KSR2: variants seen among roughly 807,000 people sequenced by gnomAD.
The protein encoded by KSR2 is kinase suppressor of ras 2.
KSR2 carries 25 observed loss-of-function variants against 107.8 expected under a neutral mutation model. The ratio of observed to expected loss-of-function variants is 0.23; its 90% CI spans 0.17 to 0.32. The LOEUF is 0.32. Among genes scored for constraint, KSR2 ranks in the 10% least tolerant of loss-of-function variants. The pLI is 1.00. For synonymous variants in KSR2, 480 were observed against 507.0 expected (o/e 0.95, Z 0.71); for missense variants, 887 against 1,268.9 (o/e 0.70, Z 4.57).
intron 10 of KSR2, among the ~76,000 whole-genome samples, chr12:117,538,142 TG>T (rs1169707551): frequency 6.6e-6 from 1 of 151,134 alleles, no homozygotes; most frequent in Non-Finnish European, 1.5e-5. Flanking sequence ...GAAGTAAAAA[TG>T]AACAACCCTG....
intron 9 of KSR2, among the ~76,000 whole-genome samples, chr12:117,544,135 A>T (rs916402529): frequency 6.6e-6 from 1 of 152,210 alleles, no homozygotes; most frequent in African/African-American, 2.4e-5. Flanking sequence ...ATACAGGCTG[A>T]ACCACAGTGG....
At chr12:117,476,641 T>G in intron 16 of KSR2, 46 bp from the exon 17 acceptor site, 1 of 1,571,056 alleles carries the variant, frequency 6.4e-7, no homozygotes, top group Non-Finnish European at 8.7e-7. Flanking sequence ...TAGCCCAGGG[T>G]GGACCAGTCC....
At chr12:117,623,792 G>A (rs1005641854) in intron 5 of KSR2, among the ~76,000 whole-genome samples, 12 of 152,170 alleles carry the variant, frequency 7.9e-5, no homozygotes, top group Non-Finnish European at 1.3e-4. Flanking sequence ...CTAGATCCTT[G>A]AGGAATCGCC....
intron 5 of KSR2, among the ~76,000 whole-genome samples, chr12:117,602,071 G>A (rs73211928): frequency 0.021 from 3,234 of 152,216 alleles, 56 homozygotes; most frequent in Non-Finnish European, 0.034. Context: ...CTGCATTTAC[G>A]GCCACTAAAA....
intron 13 of KSR2, 22 bp downstream of exon 13, chr12:117,527,049 T>G (rs1223059893): frequency 1.2e-6 from 2 of 1,611,538 alleles, no homozygotes; most frequent in African/African-American, 2.7e-5. Flanking sequence ...AAAATGTCGC[T>G]TCACTGCTCT....
intron 4 of KSR2, among the ~76,000 whole-genome samples, chr12:117,731,539 C>G (rs143618277): frequency 0.088 from 13,350 of 152,272 alleles, 704 homozygotes; most frequent in Middle Eastern, 0.14. Context: ...GGAGGGGTAC[C>G]CAACAGCTCA....
chr12:117,832,308 A>G (rs1255510668), intron 3 of KSR2, among the ~76,000 whole-genome samples: 1 of 151,910 alleles, frequency 6.6e-6, no homozygotes, highest in African/African-American at 2.4e-5. Flanking sequence ...AACAAAACAA[A>G]TCTTGTACCG....
chr12:117,857,150 C>T (rs912394894), intron 2 of KSR2, among the ~76,000 whole-genome samples: 18 of 152,284 alleles, frequency 1.2e-4, no homozygotes, highest in African/African-American at 4.3e-4. Flanking sequence ...CCTCAAACTC[C>T]TGGGTTCAAG....
At chr12:117,467,917 G>GTTT in intron 19 of KSR2, 44 of 199,266 alleles carry the variant, frequency 2.2e-4, no homozygotes, top group Admixed American at 5.6e-4. Context: ...CCACAGTCCT[G>GTTT]TGTTTTTTTT....
rs537510504 is a variant in KSR2, at chr12:117,667,591, G to T, written c.1054C>A (p.Pro352Thr). 6.8e-6 allele frequency: 11 copies of T among 1,613,278 alleles called. No individual in the cohort carries two copies. The East Asian group carries it at 1.1e-4, about 16-fold the overall frequency. ...AGCAGCGGGGAGCGCTGCTGAGAGGGGATGTTCTCGCAGCTGCCTACGCTG... is the reference window on the plus strand; with the variant it reads ...AGCAGCGGGGAGCGCTGCTGAGAGGTGATGTTCTCGCAGCTGCCTACGCTG... Reference protein sequence around the residue: ...HSSVGSCENIPSQQRSPLLSE... With the variant: ...HSSVGSCENITSQQRSPLLSE... Residue 352 changes from proline to threonine, a missense_variant, in exon 5 of 20, where the codon CCC becomes ACC. This residue lies in a region of KSR2 where 399 missense variants were observed against 479.5 expected (regional missense o/e 0.83). Coordinates refer to ENST00000339824, the MANE Select transcript of KSR2 (RefSeq NM_173598.6).
rs540870995 is a variant in KSR2, at chr12:117,456,195, G to C, written c.*11004C>G. 7.2e-5 allele frequency: 11 copies of C among 152,408 alleles called. No homozygotes were observed. Among genetic ancestry groups the C allele is most frequent in the African/African-American group, 2.4e-4 (10 of 41,576 alleles). 9.4% of individuals were successfully genotyped at this position (152,408 alleles called of 1,614,324 possible). ...TTATGCATCACACAGTTGGGCAGAA[G>C]CCTGACCAAGGACAGCCCCTCCCTT... On this transcript the variant is annotated 3_prime_UTR_variant, in exon 20 of 20. Coordinates refer to ENST00000339824, the MANE Select transcript of KSR2 (RefSeq NM_173598.6).
chr12:117,700,567 A>C (rs1886260736), intron 4 of KSR2, among the ~76,000 whole-genome samples: 2 of 152,226 alleles, frequency 1.3e-5, no homozygotes, highest in Non-Finnish European at 2.9e-5. Context: ...TATTATAAAA[A>C]AATAATAAGT....
chr12:117,803,478 G>A lies in KSR2; in HGVS notation c.473-41954C>T, dbSNP rs555147835. Reference sequence around the variant, plus strand: ...AGCACTTTGGGAGGCCGAGGCGGGCGGATCACGAGGTCAGGAGATCATGAC... The same window carrying A: ...AGCACTTTGGGAGGCCGAGGCGGGCAGATCACGAGGTCAGGAGATCATGAC... On this transcript the variant is annotated intron_variant, in intron 3 of 19. Coordinates refer to ENST00000339824, the MANE Select transcript of KSR2 (RefSeq NM_173598.6). 4.8e-3 allele frequency among the ~76,000 whole-genome samples: 728 copies of A among 152,220 alleles called. 3 individuals are homozygous for A. Among genetic ancestry groups the A allele is most frequent in the African/African-American group, 0.017 (694 of 41,556 alleles).
intron 5 of KSR2, among the ~76,000 whole-genome samples, chr12:117,597,973 G>T (rs1024289963): frequency 6.6e-6 from 1 of 152,148 alleles, no homozygotes; most frequent in African/African-American, 2.4e-5. Flanking sequence ...TTCTCAACAC[G>T]AGGAGTGGGG....
At chr12:117,535,557 C>G (rs1229192772) in intron 10 of KSR2, among the ~76,000 whole-genome samples, 1 of 151,748 alleles carries the variant, frequency 6.6e-6, no homozygotes. Flanking sequence ...CAGATTCCAC[C>G]TCCTTTCTTC....
intron 7 of KSR2, among the ~76,000 whole-genome samples, chr12:117,576,611 C>G (rs112010576): frequency 0.011 from 1,651 of 152,186 alleles, 39 homozygotes; most frequent in African/African-American, 0.036. Context: ...GATCCTCCTG[C>G]CCCAGCCTCC....
intron 14 of KSR2, among the ~76,000 whole-genome samples, chr12:117,487,096 T>C (rs1726019678): frequency 2.0e-5 from 3 of 152,322 alleles, no homozygotes; most frequent in South Asian, 4.1e-4. Flanking sequence ...AAATCAGGCA[T>C]GTAAAGGTGT....
rs529917249 is a variant in KSR2, at chr12:117,685,315, C to A, written c.987-17657G>T. Among the ~76,000 whole-genome samples the A allele has an allele frequency of 2.0e-5, 3 of 152,328 alleles. No homozygotes were observed. The East Asian group carries it at 5.8e-4, about 29-fold the overall frequency. On this transcript the variant is annotated intron_variant, in intron 4 of 19. Coordinates refer to ENST00000339824, the MANE Select transcript of KSR2 (RefSeq NM_173598.6). Reference sequence around the variant, plus strand: ...CAGACCAAATATTTACACAGGCCATCATTTCCGACTGAACCAGAGCTCGTG... The same window carrying A: ...CAGACCAAATATTTACACAGGCCATAATTTCCGACTGAACCAGAGCTCGTG...
At chr12:117,906,885 G>C (rs1894870669) in intron 1 of KSR2, among the ~76,000 whole-genome samples, 1 of 152,056 alleles carries the variant, frequency 6.6e-6, no homozygotes, top group Admixed American at 6.6e-5. Flanking sequence ...AAATTATCCA[G>C]GTGTGGTGGC....
Sources: gnomAD v4.1 joint callset for allele counts (sites outside exome capture counted in the v4.1 genomes callset) on GRCh38, gnomAD v4.1.1 for gene constraint, gnomAD v4.1.1 regional missense constraint, MANE v1.5 for transcripts, NCBI Gene and HGNC (gene_info 2026-07-23, HGNC 2026-07-21) for gene names.